Variants in KIAA0232 observed in about 807,000 individuals in gnomAD.
KIAA0232 encodes KIAA0232.
A neutral mutation model predicts 122.0 loss-of-function variants in KIAA0232; 27 were observed. The observed-to-expected ratio is 0.22, with a 90% CI of 0.16 to 0.31. The LOEUF is 0.31. Among genes scored for constraint, KIAA0232 ranks in the 10% least tolerant of loss-of-function variants. The pLI is 1.00. For missense variants in KIAA0232, 1,551 were observed against 1,634.2 expected (o/e 0.95, Z 0.88); for synonymous variants, 613 against 587.6 (o/e 1.04, Z -0.63).
chr4:6,839,920 AT>A (rs948057128), intron 3 of KIAA0232, among the ~76,000 whole-genome samples: 1 of 152,126 alleles, frequency 6.6e-6, no homozygotes, highest in Non-Finnish European at 1.5e-5. Context: ...GGAGCGGCTC[AT>A]TTTTTAGGGG....
chr4:6,871,409 G>A (rs529646164), intron 7 of KIAA0232, among the ~76,000 whole-genome samples, 165 bp from the exon 8 acceptor site: 17 of 152,312 alleles, frequency 1.1e-4, no homozygotes, highest in African/African-American at 4.1e-4. Context: ...ACTCCAGCCT[G>A]AGTGACAGAG....
intron 3 of KIAA0232, among the ~76,000 whole-genome samples, chr4:6,833,169 C>G (rs1719083607): frequency 6.6e-6 from 1 of 152,178 alleles, no homozygotes; most frequent in Non-Finnish European, 1.5e-5. Context: ...CTGTAAAAGT[C>G]TGACCATAAA....
chr4:6,865,223 G>T (rs1389239395), intron 7 of KIAA0232, among the ~76,000 whole-genome samples: 2 of 152,236 alleles, frequency 1.3e-5, no homozygotes, highest in Non-Finnish European at 2.9e-5. Context: ...AAGCACAGCA[G>T]TCTGCCCATT....
At chr4:6,858,559 A>G (rs1198510445) in intron 6 of KIAA0232, 53 bp downstream of exon 6, 20 of 1,145,822 alleles carry the variant, frequency 1.7e-5, no homozygotes, top group Middle Eastern at 2.0e-4. Context: ...AATCAGATGA[A>G]TAACTGCTAC....
intron 2 of KIAA0232, among the ~76,000 whole-genome samples, chr4:6,812,978 T>A (rs2108981511): frequency 6.6e-6 from 1 of 152,332 alleles, no homozygotes; most frequent in South Asian, 2.1e-4. Context: ...TATCTTAATA[T>A]TTAAATTAAC....
Position 6,881,150 on chromosome 4 carries a change from T to C in KIAA0232, c.*184T>C, listed in dbSNP as rs1286949229. Reference sequence around the variant, plus strand: ...TTGAGGACAGCTATCCTGTTAAAGATTTTTTTTCCCAGCTGTTAAATTCTT... The same window carrying C: ...TTGAGGACAGCTATCCTGTTAAAGACTTTTTTTCCCAGCTGTTAAATTCTT... On this transcript the variant is annotated 3_prime_UTR_variant, in exon 10 of 10. Coordinates refer to ENST00000307659, the MANE Select transcript of KIAA0232 (RefSeq NM_014743.3). 3 of 441,334 alleles carry C rather than the reference T, an allele frequency of 6.8e-6. No individual in the cohort carries two copies. The highest frequency in any genetic ancestry group is 7.9e-5 in the South Asian group (1 of 12,658). 27.3% of individuals were successfully genotyped at this position (441,334 alleles called of 1,614,324 possible). A position where few individuals can be genotyped will look rare whatever the true frequency, so the allele number is the denominator to read the frequency against.
intron 7 of KIAA0232, among the ~76,000 whole-genome samples, chr4:6,865,142 C>T (rs1448658135): frequency 6.6e-6 from 1 of 152,062 alleles, no homozygotes; most frequent in African/African-American, 2.4e-5. Context: ...ACTGTATGCC[C>T]AAGAAATGGC....
In KIAA0232 at chr4:6,880,889, G is replaced by A. The variant is rs756418676; in HGVS notation, c.4111G>A (p.Glu1371Lys). 7 of 1,608,068 alleles carry A rather than the reference G, an allele frequency of 4.4e-6. No individual in the cohort carries two copies. In the Admixed American group the frequency reaches 1.2e-4, roughly 27 times the overall value. ...GTGCTCCAGCGCCAGCTCCACCTCG[G>A]AAGAGACAGGCTCAGAAGGCGGAGG... Reference protein sequence around the residue: ...KMCSSASSTSEETGSEGGGEW... With the variant: ...KMCSSASSTSKETGSEGGGEW... Residue 1371 changes from glutamate to lysine, a missense_variant, in exon 10 of 10, where the codon GAA (glutamate) becomes AAA (lysine). By Grantham distance (56) the Glu-to-Lys change is moderately conservative (BLOSUM62 1). Coordinates refer to ENST00000307659, the MANE Select transcript of KIAA0232 (RefSeq NM_014743.3).
chr4:6,847,478 T>G (rs1271897730), intron 4 of KIAA0232, among the ~76,000 whole-genome samples: 8 of 152,228 alleles, frequency 5.3e-5, no homozygotes, highest in Non-Finnish European at 1.0e-4. Context: ...ATTTTATACA[T>G]TGATTAAAAT....
chr4:6,844,270 C>G (rs1245026255), intron 4 of KIAA0232, among the ~76,000 whole-genome samples: 2 of 151,790 alleles, frequency 1.3e-5, no homozygotes, highest in Non-Finnish European at 2.9e-5. Flanking sequence ...CTCCTACTGC[C>G]TAGCACAGTG....
intron 7 of KIAA0232, among the ~76,000 whole-genome samples, chr4:6,870,191 T>A (rs1398707383): frequency 6.6e-6 from 1 of 152,198 alleles, no homozygotes; most frequent in Non-Finnish European, 1.5e-5. Flanking sequence ...CTGTCTGCCA[T>A]TGGCCACACT....
intron 3 of KIAA0232, among the ~76,000 whole-genome samples, chr4:6,833,406 T>C (rs1719098749): frequency 6.6e-6 from 1 of 151,974 alleles, no homozygotes; most frequent in Non-Finnish European, 1.5e-5. Flanking sequence ...TATTCCATGC[T>C]ATTACTTGAG....
rs1300222164 is a variant in KIAA0232, at chr4:6,881,053, A to G, written c.*87A>G. 5 of 975,564 alleles carry G rather than the reference A, an allele frequency of 5.1e-6. No individual in the cohort carries two copies. The African/African-American group carries it at 8.4e-5, about 16-fold the overall frequency. The allele number at this position is 975,564 out of a possible 1,614,324, so 60.4% of individuals were successfully genotyped here. On this transcript the variant is annotated 3_prime_UTR_variant, in exon 10 of 10. Coordinates refer to ENST00000307659, the MANE Select transcript of KIAA0232 (RefSeq NM_014743.3). ...TGAGACCTGTTAATCTAAAACAACA[A>G]CTTAGGTTTCCTCTTCAATTAACTG...
intron 2 of KIAA0232, among the ~76,000 whole-genome samples, chr4:6,817,833 T>A (rs965527518): frequency 2.0e-5 from 3 of 152,192 alleles, no homozygotes; most frequent in African/African-American, 7.2e-5. Context: ...TTTTGTTTCA[T>A]ATGTTTTGCA....
In KIAA0232 at chr4:6,863,526, T is replaced by C; in HGVS notation, c.3144T>C (p.Phe1048=). 1.9e-6 allele frequency: 3 copies of C among 1,614,196 alleles called. No individual in the cohort carries two copies. The highest frequency in any genetic ancestry group is 2.5e-6 in the Non-Finnish European group (3 of 1,180,038). ...SFSSFDLSNP[F]SQVLHVECSF... is the part of the protein sequence containing the mutation. ...CTTCCTTTGACTTAAGCAATCCATT[T>C]TCACAAGTTCTTCATGTAGAATGCT... Residue 1048 remains phenylalanine, a synonymous_variant, in exon 7 of 10, where the codon TTT becomes TTC. Transcript: ENST00000307659.
intron 1 of KIAA0232, among the ~76,000 whole-genome samples, chr4:6,803,204 C>CATATATAT (rs34234535): frequency 1.3e-3 from 187 of 141,618 alleles, no homozygotes; most frequent in African/African-American, 4.3e-3. Context: ...AAAATGAGTG[C>CATATATAT]ATATATATAT....
chr4:6,847,396 G>A (rs747940790), intron 4 of KIAA0232, among the ~76,000 whole-genome samples: 4 of 152,148 alleles, frequency 2.6e-5, no homozygotes, highest in Admixed American at 6.5e-5. Context: ...CACTTCTCTT[G>A]GCCTGCTCAG....
chr4:6,842,251 GT>G, intron 4 of KIAA0232, 47 bp downstream of exon 4: 1 of 1,529,390 alleles, frequency 6.5e-7, no homozygotes, highest in Non-Finnish European at 8.7e-7. Flanking sequence ...AAAAGAAGGG[GT>G]GATTTAAGTT....
chr4:6,881,086 T>A lies in KIAA0232; in HGVS notation c.*120T>A. On this transcript the variant is annotated 3_prime_UTR_variant, in exon 10 of 10. Transcript: ENST00000307659. ...TTCCTCTTCAATTAACTGATTCAGA[T>A]TGGTAATAATTATCTTTCTCTTCTT... The A allele has an allele frequency of 1.5e-6, 1 of 664,970 alleles. No homozygotes were observed. The highest frequency in any genetic ancestry group is 2.3e-6 in the Non-Finnish European group (1 of 437,240). 41.2% of individuals were successfully genotyped at this position (664,970 alleles called of 1,614,324 possible). A position where few individuals can be genotyped will look rare whatever the true frequency, so the allele number is the denominator to read the frequency against.
Sources: gnomAD v4.1 joint callset for allele counts (sites outside exome capture counted in the v4.1 genomes callset) on GRCh38, gnomAD v4.1.1 for gene constraint, MANE v1.5 for transcripts, NCBI Gene and HGNC (gene_info 2026-07-23, HGNC 2026-07-21) for gene names.